Variants in PDCD1LG2 observed in about 807,000 individuals in gnomAD.
PDCD1LG2 encodes B7 dendritic cell molecule.
In PDCD1LG2, 32 loss-of-function variants were observed where a neutral mutation model predicts 28.2. That is an observed-to-expected ratio of 1.13 (90% confidence interval 0.86 to 1.52). PDCD1LG2 has a LOEUF of 1.52. PDCD1LG2 is among the 40% of genes most tolerant of loss of function. PDCD1LG2 has a pLI of 0.00. For missense variants in PDCD1LG2, 385 were observed against 323.8 expected (o/e 1.19, Z -1.45); for synonymous variants, 116 against 120.2 (o/e 0.97, Z 0.23).
intron 3 of PDCD1LG2, among the ~76,000 whole-genome samples, chr9:5,544,054 G>T (rs1170154555): frequency 6.6e-6 from 1 of 152,150 alleles, no homozygotes; most frequent in Non-Finnish European, 1.5e-5. Context: ...CTGTCATTAT[G>T]ACTATAAAAC....
intron 2 of PDCD1LG2, among the ~76,000 whole-genome samples, chr9:5,532,895 C>T (rs1401344213): frequency 6.6e-6 from 1 of 152,206 alleles, no homozygotes; most frequent in Non-Finnish European, 1.5e-5. Flanking sequence ...GCCTCCACCA[C>T]AATACTGAGA....
At chr9:5,543,252 C>T (rs1000282307) in intron 3 of PDCD1LG2, among the ~76,000 whole-genome samples, 1 of 152,014 alleles carries the variant, frequency 6.6e-6, no homozygotes, top group African/African-American at 2.4e-5. Context: ...AAAAACTCCA[C>T]ATTTGGGCCA....
rs570021680 is a variant in PDCD1LG2, at chr9:5,533,325, C to T, written c.56-1420C>T. Among the ~76,000 whole-genome samples the T allele has an allele frequency of 2.0e-5, 3 of 152,186 alleles. No homozygotes were observed. In the South Asian group the frequency reaches 6.2e-4, roughly 32 times the overall value. Reference sequence around the variant, plus strand: ...GTAACACTACCTTTACTAGTTTGGCCACTCCTTATGCTTTTTTTATAGAAC... The same window carrying T: ...GTAACACTACCTTTACTAGTTTGGCTACTCCTTATGCTTTTTTTATAGAAC... On this transcript the variant is annotated intron_variant, in intron 2 of 6. Transcript: ENST00000397747.
At chr9:5,553,380 GGAATTGTTTATTCAACTGTC>G (rs1232306828) in intron 4 of PDCD1LG2, among the ~76,000 whole-genome samples, 1 of 152,104 alleles carries the variant, frequency 6.6e-6, no homozygotes, top group Non-Finnish European at 1.5e-5. Context: ...TTTTTCCCCT[GGAATTGTTTATTCAACTGTC>G]GTTCGTTATA....
At chr9:5,516,995 A>G (rs570006603) in intron 1 of PDCD1LG2, among the ~76,000 whole-genome samples, 1 of 152,268 alleles carries the variant, frequency 6.6e-6, no homozygotes, top group African/African-American at 2.4e-5. Context: ...CGGGACTCCC[A>G]CCTGTTCTTG....
chr9:5,532,679 A>T (rs539423271), intron 2 of PDCD1LG2, among the ~76,000 whole-genome samples: 10 of 152,320 alleles, frequency 6.6e-5, no homozygotes, highest in South Asian at 2.1e-4. Context: ...AGAAAACCCA[A>T]AAGTTACTTA....
intron 4 of PDCD1LG2, among the ~76,000 whole-genome samples, chr9:5,557,251 TGATA>T (rs144152294): frequency 0.26 from 38,819 of 151,196 alleles, 5,184 homozygotes; most frequent in South Asian, 0.33. Flanking sequence ...GATGATTAGA[TGATA>T]GATGGATGGA....
chr9:5,524,571 T>A (rs10975159), intron 2 of PDCD1LG2, among the ~76,000 whole-genome samples: 6,859 of 152,284 alleles, frequency 0.045, 192 homozygotes, highest in Middle Eastern at 0.092. Flanking sequence ...GGGATTTTTT[T>A]AAAATCTTGT....
At chr9:5,514,664 C>T (rs1323599262) in intron 1 of PDCD1LG2, among the ~76,000 whole-genome samples, 1 of 151,148 alleles carries the variant, frequency 6.6e-6, no homozygotes, top group Non-Finnish European at 1.5e-5. Flanking sequence ...TCACTTGAAG[C>T]CAGAGTTTGC....
intron 2 of PDCD1LG2, among the ~76,000 whole-genome samples, chr9:5,530,806 T>C (rs956954372): frequency 8.5e-5 from 13 of 152,238 alleles, no homozygotes; most frequent in Non-Finnish European, 1.6e-4. Flanking sequence ...ACAGTCCAAA[T>C]GCAGACCAGT....
At chr9:5,568,786 C>A (rs1178360322) in intron 6 of PDCD1LG2, among the ~76,000 whole-genome samples, 1 of 152,174 alleles carries the variant, frequency 6.6e-6, no homozygotes, top group East Asian at 1.9e-4. Flanking sequence ...GCTTCACTCA[C>A]CTGTGCCCAT....
chr9:5,551,499 C>T (rs1023335988), intron 4 of PDCD1LG2, among the ~76,000 whole-genome samples: 2 of 152,104 alleles, frequency 1.3e-5, no homozygotes, highest in Non-Finnish European at 2.9e-5. Flanking sequence ...ATGTAGACAG[C>T]CTCCTAAGAT....
chr9:5,538,320 T>C (rs1322185221), intron 3 of PDCD1LG2, among the ~76,000 whole-genome samples: 3 of 152,164 alleles, frequency 2.0e-5, no homozygotes, highest in East Asian at 1.9e-4. Flanking sequence ...TTAAAATATG[T>C]AATATTGTTT....
intron 1 of PDCD1LG2, among the ~76,000 whole-genome samples, chr9:5,521,392 A>G (rs1820271384): frequency 6.6e-6 from 1 of 151,980 alleles, no homozygotes; most frequent in African/African-American, 2.4e-5. Context: ...ACTTAGACAC[A>G]TATAACCCTC....
chr9:5,535,457 G>T (rs1334165710), intron 3 of PDCD1LG2, among the ~76,000 whole-genome samples: 1 of 152,114 alleles, frequency 6.6e-6, no homozygotes, highest in African/African-American at 2.4e-5. Flanking sequence ...CCCATTCATG[G>T]ATTAAAATAT....
intron 3 of PDCD1LG2, among the ~76,000 whole-genome samples, chr9:5,542,813 C>G (rs145583232): frequency 0.025 from 3,771 of 152,144 alleles, 89 homozygotes; most frequent in Middle Eastern, 0.061. Flanking sequence ...TTTGATCCAG[C>G]AATCCCACTA....
Position 5,570,226 on chromosome 9 carries a change from G to T in PDCD1LG2, c.*267G>T, listed in dbSNP as rs533625593. ...TTACAGAATTACCCCACTGGATCCT[G>T]GACCCACAGAATTCCTTCAGGATCC... is the stretch of plus-strand genomic sequence containing the variant. On this transcript the variant is annotated 3_prime_UTR_variant, in exon 7 of 7. Coordinates refer to ENST00000397747, the MANE Select transcript of PDCD1LG2 (RefSeq NM_025239.4). 4 of 390,744 alleles carry T rather than the reference G, an allele frequency of 1.0e-5. No homozygotes were observed. Among genetic ancestry groups the T allele is most frequent in the Non-Finnish European group, 4.6e-6 (1 of 217,764 alleles). 24.2% of individuals were successfully genotyped at this position (390,744 alleles called of 1,614,324 possible).
intron 5 of PDCD1LG2, among the ~76,000 whole-genome samples, chr9:5,560,488 A>G (rs1407974383): frequency 6.6e-6 from 1 of 152,158 alleles, no homozygotes; most frequent in Non-Finnish European, 1.5e-5. Flanking sequence ...CAGTGCTACA[A>G]GATTACAGTT....
intron 2 of PDCD1LG2, among the ~76,000 whole-genome samples, chr9:5,532,489 T>A (rs568261389): frequency 6.6e-6 from 1 of 152,350 alleles, no homozygotes; most frequent in East Asian, 1.9e-4. Flanking sequence ...TCATCCTTTC[T>A]TTCTCCCTCT....
Sources: gnomAD v4.1 joint callset for allele counts (sites outside exome capture counted in the v4.1 genomes callset) on GRCh38, gnomAD v4.1.1 for gene constraint, MANE v1.5 for transcripts, NCBI Gene and HGNC (gene_info 2026-07-23, HGNC 2026-07-21) for gene names.